The following ZER1 variants were observed in gnomAD, a reference collection of about 807,000 sequenced individuals.
The protein encoded by ZER1 is zyg-11 related cell cycle regulator, also known as protein zer-1 homolog.
A neutral mutation model predicts 78.8 loss-of-function variants in ZER1; 11 were observed. That is an observed-to-expected ratio of 0.14 (90% CI 0.09 to 0.23). The LOEUF is 0.23. Ranked by LOEUF, ZER1 falls within the 10% of genes least tolerant of loss-of-function variation. The pLI, the probability that ZER1 is intolerant of heterozygous loss-of-function variation, is 1.00. For missense variants in ZER1, 588 were observed against 996.9 expected, an observed-to-expected ratio of 0.59 and a Z score of 5.52; for synonymous variants, 400 against 407.0, an observed-to-expected ratio of 0.98 and a Z score of 0.21.
rs1032379208 is a variant in ZER1, at chr9:128,754,726, G to C, written c.158+682C>G. On this transcript the variant is annotated intron_variant, in intron 2 of 15. Coordinates refer to ENST00000291900, the MANE Select transcript of ZER1 (RefSeq NM_006336.4). This position sits in a 1 kb window ranked among gnomAD's most constrained non-coding sequence, Gnocchi z 4.3. ...TTTGGTAGAGACAAGGTCTCGCTAT[G>C]TCACCCAGGCTGATCTTGAATTTCT... Among the ~76,000 whole-genome samples, 1 of 149,898 alleles carries C rather than the reference G, an allele frequency of 6.7e-6. No homozygotes were observed. The highest frequency in any genetic ancestry group is 2.5e-5 in the African/African-American group (1 of 40,632).
rs1372132455 is a variant in ZER1 at position 128,734,142 on chromosome 9, A to ATATATATATATATATATATAT, written c.2141-615_2141-614insATATATATATATATATATATA. Among the ~76,000 whole-genome samples the ATATATATATATATATATATAT allele has an allele frequency of 9.2e-4, 18 of 19,630 alleles. 1 individual carries two copies. Among genetic ancestry groups the ATATATATATATATATATATAT allele is most frequent in the East Asian group, 3.1e-3 (1 of 318 alleles). 12.9% of individuals were successfully genotyped at this position (19,630 alleles called of 152,430 possible). A position where few individuals can be genotyped will look rare whatever the true frequency, so the allele number is the denominator to read the frequency against. On this transcript the variant is annotated intron_variant, in intron 14 of 15. Transcript: ENST00000291900. The stretch of plus-strand genomic sequence containing the variant: ...AACTCCGTCTCAAAAAAAAAAAAAA[A>ATATATATATATATATATATAT]AAATATATATATATATATATAAAAT...
chr9:128,742,213 T>C (rs112141434), intron 9 of ZER1, among the ~76,000 whole-genome samples: 1 of 152,334 alleles, frequency 6.6e-6, no homozygotes, highest in African/African-American at 2.4e-5. Flanking sequence ...CCAGGGCCCA[T>C]GCCAAGAAGT....
chr9:128,750,579 G>A, intron 8 of ZER1, 37 bp downstream of exon 8: 1 of 1,605,214 alleles, frequency 6.2e-7, no homozygotes. Flanking sequence ...GGGTGGCTGG[G>A]CCAGAGCATG....
chr9:128,734,144 A>AAAAAAATAT, intron 14 of ZER1, among the ~76,000 whole-genome samples: 31 of 14,440 alleles, frequency 2.1e-3, no homozygotes, highest in African/African-American at 5.6e-3. Flanking sequence ...AAAAAAAAAA[A>AAAAAAATAT]ATATATATAT....
At chr9:128,761,603 G>GTTTT (rs1180495331) in intron 1 of ZER1, among the ~76,000 whole-genome samples, 6 of 107,362 alleles carry the variant, frequency 5.6e-5, no homozygotes, top group Non-Finnish European at 7.8e-5. Context: ...CCCATAATTT[G>GTTTT]TTTTTTTTTT....
chr9:128,733,655 G>A (rs942983398), intron 14 of ZER1, 127 bp from the exon 15 acceptor site: 4 of 788,990 alleles, frequency 5.1e-6, no homozygotes, highest in East Asian at 5.5e-5. Flanking sequence ...CCTTGGTGGG[G>A]GCAGTGCTAG....
chr9:128,744,892 A>AT lies in ZER1; in HGVS notation c.1360-2148dup, dbSNP rs574054921. 1.3e-4 allele frequency among the ~76,000 whole-genome samples: 20 copies of AT among 152,180 alleles called. No homozygotes were observed. In the East Asian group the frequency reaches 2.1e-3, roughly 16 times the overall value. On this transcript the variant is annotated intron_variant, in intron 8 of 15. Transcript: ENST00000291900. ...TATAGTATTCCATCATGACACCCCA[A>AT]TTTTTTCATCCATTCTACTGCTGAT...
chr9:128,759,233 C>T (rs1038073340), intron 1 of ZER1, among the ~76,000 whole-genome samples: 3 of 151,674 alleles, frequency 2.0e-5, no homozygotes, highest in East Asian at 2.0e-4. Context: ...TGCAGTGGCA[C>T]GATCTCAGCT....
In ZER1 at chr9:128,751,012, C is replaced by G; in HGVS notation, c.1185+110G>C. The G allele has an allele frequency of 6.8e-7, 1 of 1,467,432 alleles. No individual in the cohort carries two copies. Among genetic ancestry groups the G allele is most frequent in the Non-Finnish European group, 9.0e-7 (1 of 1,108,882 alleles). 90.9% of individuals were successfully genotyped at this position (1,467,432 alleles called of 1,614,324 possible). A position where few individuals can be genotyped will look rare whatever the true frequency, so the allele number is the denominator to read the frequency against. On this transcript the variant is annotated intron_variant, in intron 7 of 15. Transcript: ENST00000291900. The surrounding 1 kb of genome is among the most constrained non-coding windows in gnomAD (Gnocchi z 5.4). Reference sequence around the variant, plus strand: ...AGGCTGGGGTTCGGGTCCTGGGGCCCTGGGGACAGGGTGCAGAAGGACACA... The same window carrying G: ...AGGCTGGGGTTCGGGTCCTGGGGCCGTGGGGACAGGGTGCAGAAGGACACA...
chr9:128,762,038 T>A (rs1381662932), intron 1 of ZER1, among the ~76,000 whole-genome samples: 2 of 152,134 alleles, frequency 1.3e-5, no homozygotes, highest in Non-Finnish European at 2.9e-5. Context: ...GGGCTGCATG[T>A]GGCCCAGGAC....
intron 13 of ZER1, among the ~76,000 whole-genome samples, chr9:128,736,293 C>T (rs1340567609): frequency 6.6e-6 from 1 of 151,978 alleles, no homozygotes; most frequent in African/African-American, 2.4e-5. Context: ...ACTATGTTGG[C>T]CAGGTTGGTT....
chr9:128,769,517 G>A (rs991979447), intron 1 of ZER1, among the ~76,000 whole-genome samples: 3 of 151,558 alleles, frequency 2.0e-5, no homozygotes, highest in African/African-American at 7.3e-5. Context: ...AGGTTCAAGC[G>A]ATTCTCCTGC....
chr9:128,762,862 C>T (rs1424355227), intron 1 of ZER1, among the ~76,000 whole-genome samples: 1 of 152,208 alleles, frequency 6.6e-6, no homozygotes, highest in African/African-American at 2.4e-5. Flanking sequence ...TCTTTAAGAG[C>T]CCAGCAGCCT....
intron 13 of ZER1, among the ~76,000 whole-genome samples, chr9:128,735,846 C>G (rs1311817276): frequency 4.9e-5 from 7 of 141,742 alleles, no homozygotes; most frequent in Non-Finnish European, 3.0e-5. Flanking sequence ...GGTGCAATCT[C>G]CACTCACTGC....
chr9:128,731,908 C>G (rs533282795), intron 15 of ZER1, among the ~76,000 whole-genome samples: 16 of 152,328 alleles, frequency 1.1e-4, no homozygotes, highest in Admixed American at 3.9e-4. Flanking sequence ...AGCCAGGGCT[C>G]AGCACTCCAG....
intron 8 of ZER1, among the ~76,000 whole-genome samples, chr9:128,743,595 T>C (rs922243551): frequency 2.6e-5 from 4 of 151,904 alleles, no homozygotes; most frequent in Admixed American, 2.6e-4. Flanking sequence ...AGCTATTTTG[T>C]TTTTTGTAGA....
intron 8 of ZER1, among the ~76,000 whole-genome samples, chr9:128,748,439 A>G (rs1043763007): frequency 4.0e-5 from 6 of 148,860 alleles, no homozygotes; most frequent in African/African-American, 1.2e-4. Flanking sequence ...GTGTGGTGGT[A>G]CATGCCTTGT....
At chr9:128,747,614 T>TAAAAAAA (rs1422623594) in intron 8 of ZER1, among the ~76,000 whole-genome samples, 22 of 152,238 alleles carry the variant, frequency 1.4e-4, no homozygotes, top group South Asian at 2.1e-4. Context: ...ATCTTTTTTT[T>TAAAAAAA]GTTTTTGGTT....
At chr9:128,762,677 C>A (rs920162204) in intron 1 of ZER1, among the ~76,000 whole-genome samples, 25 of 152,220 alleles carry the variant, frequency 1.6e-4, no homozygotes, top group African/African-American at 6.0e-4. Flanking sequence ...CCTTCTCCTA[C>A]CTCATCTGCC....
Sources: gnomAD v4.1 joint callset for allele counts (sites outside exome capture counted in the v4.1 genomes callset) on GRCh38, gnomAD v4.1.1 for gene constraint, Gnocchi (gnomAD v3.1) non-coding constraint, MANE v1.5 for transcripts, NCBI Gene and HGNC (gene_info 2026-07-23, HGNC 2026-07-21) for gene names.